Variants in FOXN1 observed in about 807,000 individuals in gnomAD.
FOXN1 encodes the protein forkhead box protein N1.
In FOXN1, 15 loss-of-function variants were observed where a neutral mutation model predicts 49.0. The ratio of observed to expected loss-of-function variants is 0.31; its 90% CI spans 0.20 to 0.47. The LOEUF (loss-of-function observed/expected upper bound fraction) is 0.47, where lower values mean the gene tolerates loss of function less well. Ranked by LOEUF, FOXN1 falls within the 20% of genes least tolerant of loss-of-function variation. The pLI is 1.00. For synonymous variants in FOXN1, 356 were observed against 369.0 expected, an observed-to-expected ratio of 0.96 and a Z score of 0.40; for missense variants, 800 against 842.8, an observed-to-expected ratio of 0.95 and a Z score of 0.63.
chr17:28,530,058 C>T (rs1258952514), intron 5 of FOXN1, among the ~76,000 whole-genome samples: 3 of 150,528 alleles, frequency 2.0e-5, no homozygotes, highest in Non-Finnish European at 4.4e-5. Context: ...AGGGGAGGGA[C>T]AACGTTAGGA....
At chr17:28,536,983 G>A in intron 8 of FOXN1, 134 bp from the exon 9 acceptor site, 4 of 751,444 alleles carry the variant, frequency 5.3e-6, no homozygotes, top group Non-Finnish European at 9.6e-6. Context: ...ACAAGCTAGT[G>A]CCAGGCTCTG....
intron 8 of FOXN1, among the ~76,000 whole-genome samples, chr17:28,535,811 A>C (rs900887347): frequency 7.2e-5 from 11 of 152,196 alleles, no homozygotes; most frequent in African/African-American, 2.7e-4. Context: ...GTTCTATTCT[A>C]TACTCGATTG....
chr17:28,527,474 G>A, intron 4 of FOXN1, 113 bp downstream of exon 4: 1 of 723,060 alleles, frequency 1.4e-6, no homozygotes, highest in Non-Finnish European at 2.5e-6. Flanking sequence ...AGGCAGATAA[G>A]GACAGCAGGG....
In FOXN1 at chr17:28,534,226, GCT is replaced by G; in HGVS notation, c.928-102_928-101del. The stretch of plus-strand genomic sequence containing the variant: ...ACAACAAGCCCCAGAGTGGGCGGCA[GCT>G]CTGTGCCCAGAGGAGAAACAGGAGT... On this transcript the variant is annotated intron_variant, in intron 6 of 8. Transcript: ENST00000579795. This position sits in a 1 kb window ranked among gnomAD's most constrained non-coding sequence, Gnocchi z 4.1. 1 of 1,560,080 alleles carries G rather than the reference GCT, an allele frequency of 6.4e-7. No individual in the cohort carries two copies. The highest frequency in any genetic ancestry group is 8.8e-7 in the Non-Finnish European group (1 of 1,140,778).
In FOXN1 at chr17:28,517,446, C is replaced by T. The variant is rs564778653; in HGVS notation, c.-14-6510C>T. Among the ~76,000 whole-genome samples, 584 of 150,854 alleles carry T rather than the reference C, an allele frequency of 3.9e-3. 6 individuals are homozygous for T. The highest frequency in any genetic ancestry group is 0.014 in the African/African-American group (553 of 40,814). ...ATCCATACCTCCACAGGGTACACAC[C>T]TCCACAGGGTACACACCTCCATAGG... is the stretch of plus-strand genomic sequence containing the variant. On this transcript the variant is annotated intron_variant, in intron 1 of 8. Coordinates refer to ENST00000579795, the MANE Select transcript of FOXN1 (RefSeq NM_001369369.1).
At chr17:28,519,567 A>G (rs2069598950) in intron 1 of FOXN1, among the ~76,000 whole-genome samples, 1 of 152,100 alleles carries the variant, frequency 6.6e-6, no homozygotes, top group South Asian at 2.1e-4. Flanking sequence ...ATTTGCTGAT[A>G]CTTGCACACA....
rs1053830256 is a variant in FOXN1 at position 28,537,665 on chromosome 17, C to T, written c.*229C>T. The T allele has an allele frequency of 1.6e-5, 10 of 613,158 alleles. No individual in the cohort carries two copies. The highest frequency in any genetic ancestry group is 2.6e-5 in the Admixed American group (1 of 38,730). 38.0% of individuals were successfully genotyped at this position (613,158 alleles called of 1,614,324 possible). ...TGGCCCAGCTCCTCACCCAGGGCCC[C>T]CAAAGAGCAAGCGTCTGGGCAAGAG... is the stretch of plus-strand genomic sequence containing the variant. On this transcript the variant is annotated 3_prime_UTR_variant, in exon 9 of 9. Coordinates refer to ENST00000579795, the MANE Select transcript of FOXN1 (RefSeq NM_001369369.1).
Position 28,529,240 on chromosome 17 carries a change from TC to T in FOXN1, c.830+18del, listed in dbSNP as rs2069848197. 2 of 1,613,768 alleles carry T rather than the reference TC, an allele frequency of 1.2e-6. No homozygotes were observed. The highest frequency in any genetic ancestry group is 1.7e-5 in the Admixed American group (1 of 60,006). On this transcript the variant is annotated intron_variant, in intron 5 of 8. Coordinates refer to ENST00000579795, the MANE Select transcript of FOXN1 (RefSeq NM_001369369.1). ...ATTCCTACAGGTACATTTCCCACTC[TC>T]CAGGGATGGGAGGAGGAGGGGAGTG...
At position 28,524,934 on chromosome 17, in the gene FOXN1, C is replaced by G; in HGVS notation, c.555C>G (p.Pro185=). 1.2e-6 allele frequency: 2 copies of G among 1,612,204 alleles called. No individual in the cohort carries two copies. The highest frequency in any genetic ancestry group is 1.7e-6 in the Non-Finnish European group (2 of 1,179,922). Residue 185 remains proline, a synonymous_variant, in exon 3 of 9, where the codon CCC becomes CCG. Transcript: ENST00000579795. ...FSAEAWCNGL[P]YPSQEHGPQV... Reference sequence around the variant, plus strand: ...CAGAGGCCTGGTGTAACGGGCTCCCCTACCCCAGCCAGGAGCATGGCCCCC... The same window carrying G: ...CAGAGGCCTGGTGTAACGGGCTCCCGTACCCCAGCCAGGAGCATGGCCCCC...
At chr17:28,515,961 C>T (rs1226873480) in intron 1 of FOXN1, among the ~76,000 whole-genome samples, 2 of 151,922 alleles carry the variant, frequency 1.3e-5, no homozygotes, top group South Asian at 2.1e-4. Context: ...GTGTACACCC[C>T]TCCACAAGTA....
chr17:28,531,074 G>A (rs2069901821), intron 6 of FOXN1, among the ~76,000 whole-genome samples: 1 of 152,248 alleles, frequency 6.6e-6, no homozygotes. Context: ...AGGTTGCACA[G>A]CAGACTGGAG....
rs1567888171 is a variant in FOXN1, at chr17:28,535,293, G to A, written c.1627+95G>A. On this transcript the variant is annotated intron_variant, in intron 8 of 8. Coordinates refer to ENST00000579795, the MANE Select transcript of FOXN1 (RefSeq NM_001369369.1). ...TCTCCAAGTCTCCAGACTGCAGCCT[G>A]CAAGTGGCTGGGTTTCTGGTCAACT... The A allele has an allele frequency of 3.6e-6, 5 of 1,383,122 alleles. No individual in the cohort carries two copies. The East Asian group carries it at 9.5e-5, about 26-fold the overall frequency. 85.7% of individuals were successfully genotyped at this position (1,383,122 alleles called of 1,614,324 possible). A position where few individuals can be genotyped will look rare whatever the true frequency, so the allele number is the denominator to read the frequency against.
At chr17:28,514,577 C>A (rs1312142175) in intron 1 of FOXN1, among the ~76,000 whole-genome samples, 2 of 152,130 alleles carry the variant, frequency 1.3e-5, no homozygotes, top group African/African-American at 4.8e-5. Context: ...CGAGCTGCTC[C>A]AGGGGACCCC....
At chr17:28,526,557 A>C (rs1300935263) in intron 3 of FOXN1, among the ~76,000 whole-genome samples, 4 of 152,190 alleles carry the variant, frequency 2.6e-5, no homozygotes, top group African/African-American at 9.6e-5. Flanking sequence ...TCTGGCCATC[A>C]TGGCTAGCAG....
In FOXN1 at chr17:28,534,327, G is replaced by T. The variant is rs1171853018; in HGVS notation, c.928-4G>T. On this transcript the variant is annotated splice_region_variant and splice_polypyrimidine_tract_variant and intron_variant, in intron 6 of 8. Coordinates refer to ENST00000579795, the MANE Select transcript of FOXN1 (RefSeq NM_001369369.1). The surrounding 1 kb of genome is among the most constrained non-coding windows in gnomAD (Gnocchi z 4.1). The stretch of plus-strand genomic sequence containing the variant: ...TGAATGCTTGTCTTGCTCTGTTCCG[G>T]CAGACAGCACCCGATGGCTGGAAGA... The T allele has an allele frequency of 1.9e-6, 3 of 1,613,996 alleles. No individual in the cohort carries two copies. The South Asian group carries it at 3.3e-5, about 18-fold the overall frequency.
rs945354768 is a variant in FOXN1, at chr17:28,537,937, C to G, written c.*501C>G. The G allele has an allele frequency of 5.6e-6, 1 of 177,124 alleles. No homozygotes were observed. The highest frequency in any genetic ancestry group is 2.4e-5 in the African/African-American group (1 of 41,686). 11.0% of individuals were successfully genotyped at this position (177,124 alleles called of 1,614,324 possible). ...TCTGACATCCACATGCTCTGCAGTCCTGGCCCCCTCGTCATTTTCTTTCCC... is the reference window on the plus strand; with the variant it reads ...TCTGACATCCACATGCTCTGCAGTCGTGGCCCCCTCGTCATTTTCTTTCCC... On this transcript the variant is annotated 3_prime_UTR_variant, in exon 9 of 9. Coordinates refer to ENST00000579795, the MANE Select transcript of FOXN1 (RefSeq NM_001369369.1).
chr17:28,517,822 C>G (rs1457797805), intron 1 of FOXN1, among the ~76,000 whole-genome samples: 21 of 143,442 alleles, frequency 1.5e-4, no homozygotes, highest in African/African-American at 5.8e-4. Context: ...ATACACACCT[C>G]CACAGGGTAC....
intron 1 of FOXN1, among the ~76,000 whole-genome samples, chr17:28,507,777 C>T (rs1249243626): frequency 6.6e-6 from 1 of 152,218 alleles, no homozygotes; most frequent in African/African-American, 2.4e-5. Flanking sequence ...CTTGCTCATT[C>T]CCTGACCACA....
intron 6 of FOXN1, among the ~76,000 whole-genome samples, chr17:28,534,000 A>G (rs982484576): frequency 1.3e-5 from 2 of 152,138 alleles, no homozygotes; most frequent in African/African-American, 2.4e-5. Context: ...TTCAGATGGG[A>G]GAGTGTTGTG....
Sources: gnomAD v4.1 joint callset for allele counts (sites outside exome capture counted in the v4.1 genomes callset) on GRCh38, gnomAD v4.1.1 for gene constraint, Gnocchi (gnomAD v3.1) non-coding constraint, MANE v1.5 for transcripts, NCBI Gene and HGNC (gene_info 2026-07-23, HGNC 2026-07-21) for gene names.